SCHIP1: variants seen among roughly 807,000 people sequenced by gnomAD.
SCHIP1 encodes the protein schwannomin-interacting protein 1.
Under a neutral mutation model 29.7 loss-of-function variants are expected in SCHIP1, and 8 were observed. That is an observed-to-expected ratio of 0.27 (90% CI 0.16 to 0.49). SCHIP1 has a LOEUF of 0.49. Among genes scored for constraint, SCHIP1 ranks in the 20% least tolerant of loss-of-function variants. SCHIP1 has a pLI of 0.99. For missense variants in SCHIP1, 193 were observed against 294.6 expected, an observed-to-expected ratio of 0.66 and a Z score of 2.52; for synonymous variants, 76 against 94.9, an observed-to-expected ratio of 0.80 and a Z score of 1.16.
chr3:159,533,103 G>A, the SCHIP1 span, among the ~76,000 whole-genome samples: 1 of 152,114 alleles, frequency 6.6e-6, no homozygotes, highest in South Asian at 2.1e-4. Flanking sequence ...CCAAATAATG[G>A]CACAGATGAG....
chr3:159,345,163 G>A, the SCHIP1 span, among the ~76,000 whole-genome samples: 1 of 148,044 alleles, frequency 6.8e-6, no homozygotes, highest in Non-Finnish European at 1.5e-5. Context: ...GGAGGGAGAG[G>A]TTGCAGTGAG....
At chr3:159,709,130 G>T in the SCHIP1 span, among the ~76,000 whole-genome samples, 2 of 152,188 alleles carry the variant, frequency 1.3e-5, no homozygotes, top group Non-Finnish European at 2.9e-5. Context: ...ATTTATGCCA[G>T]CCAAAGAGAT....
the SCHIP1 span, among the ~76,000 whole-genome samples, chr3:159,633,935 T>TA: frequency 1.4e-4 from 21 of 152,064 alleles, no homozygotes; most frequent in African/African-American, 3.6e-4. Flanking sequence ...CGCATAACAG[T>TA]AAAAAAAGCA....
the SCHIP1 span, among the ~76,000 whole-genome samples, chr3:159,503,045 A>C: frequency 1.3e-5 from 2 of 152,228 alleles, no homozygotes; most frequent in African/African-American, 4.8e-5. Flanking sequence ...AAGTGTTCCC[A>C]TACTTTCCTT....
chr3:159,414,240 A>G, the SCHIP1 span, among the ~76,000 whole-genome samples: 7 of 152,316 alleles, frequency 4.6e-5, no homozygotes, highest in East Asian at 1.2e-3. Context: ...GAAAGCTAAT[A>G]TAGGGAAGGG....
chr3:159,875,079 T>C (rs1715668335), intron 2 of SCHIP1, among the ~76,000 whole-genome samples: 1 of 150,786 alleles, frequency 6.6e-6, no homozygotes, highest in African/African-American at 2.4e-5. Flanking sequence ...TTGCTTCCAG[T>C]ATTCAAAAAT....
the SCHIP1 span, among the ~76,000 whole-genome samples, chr3:159,814,181 T>C: frequency 0.013 from 1,968 of 152,254 alleles, 41 homozygotes; most frequent in African/African-American, 0.045. Flanking sequence ...CAAAGACAGG[T>C]TGATGCTGGG....
At chr3:159,763,526 T>C in the SCHIP1 span, among the ~76,000 whole-genome samples, 1 of 152,082 alleles carries the variant, frequency 6.6e-6, no homozygotes, top group Non-Finnish European at 1.5e-5. Context: ...CAGTGCCCCC[T>C]TCTTTTGGGC....
At chr3:159,789,063 A>T in the SCHIP1 span, among the ~76,000 whole-genome samples, 2 of 152,134 alleles carry the variant, frequency 1.3e-5, no homozygotes, top group African/African-American at 4.8e-5. Context: ...AGTCCCAAGC[A>T]TTTCAGATAA....
At chr3:159,343,811 T>G in the SCHIP1 span, among the ~76,000 whole-genome samples, 1 of 152,216 alleles carries the variant, frequency 6.6e-6, no homozygotes, top group Non-Finnish European at 1.5e-5. Flanking sequence ...ATGCTTAATC[T>G]GCACGTCAGT....
intron 2 of SCHIP1, among the ~76,000 whole-genome samples, chr3:159,869,152 C>T (rs1714963149): frequency 6.6e-6 from 1 of 151,992 alleles, no homozygotes; most frequent in Non-Finnish European, 1.5e-5. Flanking sequence ...CCTTAATACA[C>T]TGTATGTATT....
the SCHIP1 span, among the ~76,000 whole-genome samples, chr3:159,304,939 C>A: frequency 3.3e-4 from 50 of 152,278 alleles, no homozygotes; most frequent in African/African-American, 1.1e-3. Context: ...CCATACACAC[C>A]CTTGTGTCTC....
At chr3:159,336,658 G>A in the SCHIP1 span, among the ~76,000 whole-genome samples, 14 of 152,166 alleles carry the variant, frequency 9.2e-5, no homozygotes, top group South Asian at 1.2e-3. Context: ...GGTTGTAGAC[G>A]TGTGGTATTA....
At chr3:159,856,770 G>A (rs1273034024) in intron 1 of SCHIP1, among the ~76,000 whole-genome samples, 1 of 152,192 alleles carries the variant, frequency 6.6e-6, no homozygotes, top group Non-Finnish European at 1.5e-5. Flanking sequence ...AAATTAAAAG[G>A]CTGGAAGGAA....
chr3:159,319,417 CA>C, the SCHIP1 span, among the ~76,000 whole-genome samples: 1 of 152,168 alleles, frequency 6.6e-6, no homozygotes, highest in Non-Finnish European at 1.5e-5. Flanking sequence ...CATTATAAGA[CA>C]AATGACTATT....
the SCHIP1 span, among the ~76,000 whole-genome samples, chr3:159,711,360 C>CAAAAAAAAAAAAAAAAAAAAAACAAAA: frequency 1.5e-4 from 1 of 6,752 alleles, no homozygotes; most frequent in Non-Finnish European, 2.0e-4. Flanking sequence ...GACTCCGTCT[C>CAAAAAAAAAAAAAAAAAAAAAACAAAA]AAAAAAAAAA....
At chr3:159,402,450 T>C in the SCHIP1 span, among the ~76,000 whole-genome samples, 1 of 152,198 alleles carries the variant, frequency 6.6e-6, no homozygotes, top group Non-Finnish European at 1.5e-5. Context: ...CGAAGGATTA[T>C]AAATCATGCT....
At chr3:159,750,251 GTA>G in the SCHIP1 span, among the ~76,000 whole-genome samples, 9 of 37,334 alleles carry the variant, frequency 2.4e-4, no homozygotes, top group Non-Finnish European at 3.2e-4. Context: ...ATATAGGTGT[GTA>G]TGTGTGTGTG....
At chr3:159,777,353 G>A in the SCHIP1 span, among the ~76,000 whole-genome samples, 4 of 152,242 alleles carry the variant, frequency 2.6e-5, no homozygotes, top group South Asian at 8.3e-4. Flanking sequence ...TCTTAAGGAG[G>A]AAAACCCATG....
Sources: allele counts gnomAD v4.1 joint callset (sites outside exome capture counted in the v4.1 genomes callset), GRCh38; gene constraint gnomAD v4.1.1; transcripts MANE v1.5; gene names NCBI Gene and HGNC (gene_info 2026-07-23, HGNC 2026-07-21).